The following PTPRB variants were observed in gnomAD, a reference collection of about 807,000 sequenced individuals.
PTPRB encodes the protein receptor-type tyrosine-protein phosphatase beta.
A neutral mutation model predicts 238.1 loss-of-function variants in PTPRB; 97 were observed. That is an observed-to-expected ratio of 0.41 (90% CI 0.35 to 0.48). The LOEUF (loss-of-function observed/expected upper bound fraction) is 0.48. Ranked by LOEUF, PTPRB falls within the 20% of genes least tolerant of loss-of-function variation. The probability of loss-of-function intolerance (pLI) is 0.30; values close to 1 mark genes in which losing one functional copy is unlikely to be tolerated. For synonymous variants in PTPRB, 970 were observed against 995.4 expected, an observed-to-expected ratio of 0.97 and a Z score of 0.48; for missense variants, 2,292 against 2,681.9, an observed-to-expected ratio of 0.85 and a Z score of 3.21.
intron 2 of PTPRB, among the ~76,000 whole-genome samples, chr12:70,632,138 T>C (rs1023873957): frequency 2.0e-5 from 3 of 152,180 alleles, no homozygotes; most frequent in Non-Finnish European, 2.9e-5. Flanking sequence ...TGTATATTTA[T>C]TGTGGCACTA....
chr12:70,551,676 T>C (rs1015708278), intron 21 of PTPRB, among the ~76,000 whole-genome samples: 2 of 152,118 alleles, frequency 1.3e-5, no homozygotes, highest in Non-Finnish European at 2.9e-5. Flanking sequence ...ATTGGTTAGG[T>C]ATCAGCTCTT....
rs377760230 is a variant in PTPRB, at chr12:70,559,564, G to C, written c.4493C>G (p.Thr1498Arg). The stretch of plus-strand genomic sequence containing the variant: ...TGTCCAGTCTGGGGGCCCTTTCCAC[G>C]TGATGGCCAAGGATGTGTTTGCAAT... ...ADIANTSLAI[T>R]WKGPPDWTDY... Residue 1498 changes from threonine (T) to arginine (R), a missense_variant, in exon 18 of 34, where the codon ACG becomes AGG. This residue lies in a region of PTPRB where 683 missense variants were observed against 862.0 expected (regional missense o/e 0.79). Coordinates refer to ENST00000334414, the MANE Select transcript of PTPRB (RefSeq NM_001109754.4). 6.2e-6 allele frequency: 10 copies of C among 1,613,248 alleles called. No homozygotes were observed. The highest frequency in any genetic ancestry group is 8.5e-6 in the Non-Finnish European group (10 of 1,179,368).
intron 3 of PTPRB, among the ~76,000 whole-genome samples, chr12:70,613,636 T>C (rs1352462415): frequency 1.3e-5 from 2 of 152,162 alleles, no homozygotes; most frequent in Admixed American, 6.5e-5. Context: ...GCAATGACTT[T>C]TGGTAATAAT....
intron 8 of PTPRB, among the ~76,000 whole-genome samples, chr12:70,588,740 G>A (rs2136452296): frequency 6.6e-6 from 1 of 152,246 alleles, no homozygotes; most frequent in South Asian, 2.1e-4. Flanking sequence ...ACTGCTTGAG[G>A]CCAGGAGTTT....
At chr12:70,531,991 G>A in intron 32 of PTPRB, 44 bp downstream of exon 32, 1 of 1,611,898 alleles carries the variant, frequency 6.2e-7, no homozygotes, top group Non-Finnish European at 8.5e-7. Flanking sequence ...TGGGAATACA[G>A]TGGGGAGGAG....
chr12:70,592,084 T>C, intron 7 of PTPRB, 198 bp downstream of exon 7: 4 of 661,698 alleles, frequency 6.0e-6, no homozygotes, highest in Non-Finnish European at 1.0e-5. Flanking sequence ...AGAAACAACA[T>C]GCAGATCATT....
At chr12:70,570,304 C>T (rs997980712) in intron 13 of PTPRB, among the ~76,000 whole-genome samples, 1 of 152,118 alleles carries the variant, frequency 6.6e-6, no homozygotes, top group Non-Finnish European at 1.5e-5. Flanking sequence ...GATGATAATA[C>T]TAACCAGCCC....
chr12:70,591,531 A>G (rs1882488819), intron 7 of PTPRB, among the ~76,000 whole-genome samples: 1 of 152,262 alleles, frequency 6.6e-6, no homozygotes, highest in African/African-American at 2.4e-5. Flanking sequence ...GATACATGCA[A>G]ATATCAATAC....
chr12:70,581,378 A>G, intron 9 of PTPRB, 76 bp from the exon 10 acceptor site: 1 of 1,420,818 alleles, frequency 7.0e-7, no homozygotes, highest in Non-Finnish European at 9.5e-7. Flanking sequence ...GAGTCAAAAA[A>G]TGGAGACAGA....
At chr12:70,608,946 A>T in intron 4 of PTPRB, 123 bp downstream of exon 4, 1 of 1,314,892 alleles carries the variant, frequency 7.6e-7, no homozygotes, top group South Asian at 1.4e-5. Context: ...GTCAATATTT[A>T]TCTTCACAGG....
intron 33 of PTPRB, among the ~76,000 whole-genome samples, chr12:70,522,783 T>TAAC (rs886589058): frequency 6.6e-6 from 1 of 152,042 alleles, no homozygotes; most frequent in African/African-American, 2.4e-5. Flanking sequence ...TCCTTATGCG[T>TAAC]TGTTTTTGTT....
At chr12:70,554,425 A>G (rs189355175) in intron 20 of PTPRB, among the ~76,000 whole-genome samples, 270 of 152,322 alleles carry the variant, frequency 1.8e-3, no homozygotes, top group Non-Finnish European at 2.7e-3. Flanking sequence ...TGGCGAATAC[A>G]TATATGGACA....
intron 11 of PTPRB, among the ~76,000 whole-genome samples, chr12:70,575,782 C>G (rs539492073): frequency 1.6e-4 from 24 of 152,182 alleles, no homozygotes; most frequent in Non-Finnish European, 2.4e-4. Context: ...TTCTTTCCAG[C>G]ACATTGGACT....
At chr12:70,581,417 T>C in intron 9 of PTPRB, 115 bp from the exon 10 acceptor site, 2 of 1,110,050 alleles carry the variant, frequency 1.8e-6, no homozygotes, top group Non-Finnish European at 1.3e-6. Context: ...AATTTTTGTG[T>C]TGTTGCTATA....
chr12:70,571,508 C>T (rs1880048575), intron 12 of PTPRB: 1 of 589,158 alleles, frequency 1.7e-6, no homozygotes, highest in Admixed American at 3.4e-5. Context: ...ATTGGTAGAA[C>T]ATAATTATAA....
intron 29 of PTPRB, among the ~76,000 whole-genome samples, chr12:70,535,503 C>T (rs530858059): frequency 1.5e-3 from 233 of 152,172 alleles, no homozygotes; most frequent in Non-Finnish European, 2.1e-3. Context: ...GTTTACTGAG[C>T]GCAGATACTA....
intron 32 of PTPRB, among the ~76,000 whole-genome samples, chr12:70,528,576 A>G (rs1053219415): frequency 1.1e-4 from 17 of 152,164 alleles, no homozygotes; most frequent in Non-Finnish European, 2.2e-4. Context: ...GGAGGAAAAG[A>G]AATCCACTCC....
At chr12:70,532,457 C>T (rs1350297274) in intron 31 of PTPRB, among the ~76,000 whole-genome samples, 3 of 151,884 alleles carry the variant, frequency 2.0e-5, no homozygotes, top group Admixed American at 2.0e-4. Context: ...ACTTTTCCTA[C>T]ATACAGGTAA....
chr12:70,555,922 C>T lies in PTPRB; in HGVS notation c.4941G>A (p.Ser1647=), dbSNP rs766419621. The change falls in exon 19 of 34, where the codon TCG becomes TCA. Residue 1647 remains serine (S), a synonymous_variant. Coordinates refer to ENST00000334414, the MANE Select transcript of PTPRB (RefSeq NM_001109754.4). ...KRYLVSIKVQ[S]AGMTSEVVED... ...CAACCACCTCGCTGGTCATGCCGGC[C>T]GACTGCACTTTGATGGACACCAGGT... 8.1e-6 allele frequency: 13 copies of T among 1,613,672 alleles called. No homozygotes were observed. Among genetic ancestry groups the T allele is most frequent in the South Asian group, 3.3e-5 (3 of 91,050 alleles).
Sources: gnomAD v4.1 joint callset for allele counts (sites outside exome capture counted in the v4.1 genomes callset) on GRCh38, gnomAD v4.1.1 for gene constraint, gnomAD v4.1.1 regional missense constraint, MANE v1.5 for transcripts, NCBI Gene and HGNC (gene_info 2026-07-23, HGNC 2026-07-21) for gene names.